The following DRC8 variants were observed in gnomAD, a reference collection of about 807,000 sequenced individuals.
DRC8 encodes the protein dynein regulatory complex subunit 8.
the DRC8 span, among the ~76,000 whole-genome samples, chr1:244,989,109 TG>T: frequency 6.6e-6 from 1 of 152,134 alleles, no homozygotes; most frequent in African/African-American, 2.4e-5. Context: ...ATTTATTTTT[TG>T]TAGAGACAAG....
chr1:245,083,759 A>T, the DRC8 span: 1 of 1,527,584 alleles, frequency 6.5e-7, no homozygotes, highest in Non-Finnish European at 8.8e-7. Context: ...GTTATGCGAA[A>T]GTTATAGGGG....
the DRC8 span, among the ~76,000 whole-genome samples, chr1:245,061,024 G>A: frequency 7.5e-6 from 1 of 134,080 alleles, no homozygotes; most frequent in Non-Finnish European, 1.7e-5. Context: ...TTACCATCTG[G>A]CCTTTGCAGA....
the DRC8 span, among the ~76,000 whole-genome samples, chr1:244,973,575 C>G: frequency 1.1e-4 from 16 of 152,312 alleles, no homozygotes; most frequent in Middle Eastern, 3.4e-3. Context: ...GGTCTCTTTT[C>G]CCCTCTGCTT....
chr1:244,970,051 C>T, the DRC8 span: 160 of 626,518 alleles, frequency 2.6e-4, no homozygotes, highest in Non-Finnish European at 4.0e-4. Flanking sequence ...GGGGTGTGTG[C>T]GCGCGCGTGC....
At chr1:245,044,370 T>C in the DRC8 span, among the ~76,000 whole-genome samples, 2 of 152,254 alleles carry the variant, frequency 1.3e-5, no homozygotes, top group South Asian at 4.1e-4. Context: ...AGCCCATTAC[T>C]ATATGCAAAA....
At chr1:245,084,062 GC>G in the DRC8 span, among the ~76,000 whole-genome samples, 34 of 77,946 alleles carry the variant, frequency 4.4e-4, 4 homozygotes, top group East Asian at 8.6e-3. Flanking sequence ...TAAAAATTCC[GC>G]CCCCCCCCCG....
At chr1:245,117,417 A>T in the DRC8 span, among the ~76,000 whole-genome samples, 132,417 of 152,066 alleles carry the variant, frequency 0.87, 58,460 homozygotes, top group Middle Eastern at 0.95. Flanking sequence ...TTTTTATTTT[A>T]ATTTTATTTT....
At chr1:245,012,592 C>T in the DRC8 span, among the ~76,000 whole-genome samples, 16 of 151,904 alleles carry the variant, frequency 1.1e-4, no homozygotes, top group Non-Finnish European at 1.9e-4. Flanking sequence ...AATATTTCAT[C>T]ACAATATCTA....
At chr1:245,119,348 T>TC in the DRC8 span, among the ~76,000 whole-genome samples, 2 of 151,622 alleles carry the variant, frequency 1.3e-5, no homozygotes, top group Non-Finnish European at 2.9e-5. Context: ...TGGAGAGTTT[T>TC]TTTTTTTTTC....
At chr1:245,078,626 A>G in the DRC8 span, among the ~76,000 whole-genome samples, 9 of 152,166 alleles carry the variant, frequency 5.9e-5, no homozygotes, top group Non-Finnish European at 1.2e-4. Flanking sequence ...TCAAAAGTCA[A>G]ACTCATGGAA....
the DRC8 span, among the ~76,000 whole-genome samples, chr1:245,077,939 A>G: frequency 6.6e-6 from 1 of 152,190 alleles, no homozygotes; most frequent in Non-Finnish European, 1.5e-5. Flanking sequence ...AATGGGAGAA[A>G]ATGTTGCAAA....
the DRC8 span, among the ~76,000 whole-genome samples, chr1:245,088,388 G>A: frequency 6.7e-6 from 1 of 149,348 alleles, no homozygotes; most frequent in African/African-American, 2.5e-5. The surrounding 1 kb of genome is among the most constrained non-coding windows in gnomAD (Gnocchi z 4.6). Flanking sequence ...CTATATGTGT[G>A]TATCTACATA....
chr1:245,048,008 A>G, the DRC8 span, among the ~76,000 whole-genome samples: 1 of 149,304 alleles, frequency 6.7e-6, no homozygotes, highest in Non-Finnish European at 1.5e-5. Flanking sequence ...GAGAAAATAT[A>G]TTTACTCCTC....
the DRC8 span, among the ~76,000 whole-genome samples, chr1:245,006,362 A>G: frequency 6.6e-6 from 1 of 151,932 alleles, no homozygotes; most frequent in Non-Finnish European, 1.5e-5. Context: ...CCCAGCCTGG[A>G]GTGCAATGGT....
chr1:245,010,459 TG>T, the DRC8 span, among the ~76,000 whole-genome samples: 2 of 152,216 alleles, frequency 1.3e-5, no homozygotes, highest in South Asian at 4.2e-4. Context: ...TGGGGAGCAG[TG>T]GGTGCCTGAT....
the DRC8 span, among the ~76,000 whole-genome samples, chr1:245,110,962 T>C: frequency 6.6e-6 from 1 of 152,096 alleles, no homozygotes; most frequent in African/African-American, 2.4e-5. Flanking sequence ...CTTCTACCTA[T>C]GTCAGCTATG....
the DRC8 span, among the ~76,000 whole-genome samples, chr1:245,057,650 T>TC: frequency 6.6e-6 from 1 of 151,914 alleles, no homozygotes; most frequent in African/African-American, 2.4e-5. Context: ...TTTTTTTTTT[T>TC]TTGGTAATTA....
At chr1:245,029,639 G>A in the DRC8 span, among the ~76,000 whole-genome samples, 42 of 146,152 alleles carry the variant, frequency 2.9e-4, 1 homozygote, top group East Asian at 8.5e-3. Flanking sequence ...TCTGTCACCC[G>A]GACTGGAGTG....
chr1:245,025,544 A>T, the DRC8 span, among the ~76,000 whole-genome samples: 1 of 152,220 alleles, frequency 6.6e-6, no homozygotes, highest in South Asian at 2.1e-4. Flanking sequence ...GTGAGCTAAA[A>T]TGAGATGGGG....
Sources: gnomAD v4.1 joint callset for allele counts (sites outside exome capture counted in the v4.1 genomes callset) on GRCh38, gnomAD v4.1.1 for gene constraint, Gnocchi (gnomAD v3.1) non-coding constraint, MANE v1.5 for transcripts, NCBI Gene and HGNC (gene_info 2026-07-23, HGNC 2026-07-21) for gene names.